NCAPG: variants seen among roughly 807,000 people sequenced by gnomAD.
NCAPG encodes the protein non-SMC condensin I complex subunit G.
Under a neutral mutation model 113.1 loss-of-function variants are expected in NCAPG, and 69 were observed. The observed-to-expected ratio is 0.61, with a 90% CI of 0.50 to 0.75. The LOEUF (loss-of-function observed/expected upper bound fraction) is 0.75. NCAPG is among the 30% of genes least tolerant of loss of function. NCAPG has a pLI of 0.00. For missense variants in NCAPG, 1,058 were observed against 1,177.0 expected, an observed-to-expected ratio of 0.90 and a Z score of 1.48; for synonymous variants, 370 against 415.8, an observed-to-expected ratio of 0.89 and a Z score of 1.34.
Position 17,837,652 on chromosome 4 carries a change from G to A in NCAPG, c.2317G>A (p.Ala773Thr). Residue 773 changes from alanine to threonine, a missense_variant, in exon 16 of 21, where the codon GCT becomes ACT. Coordinates refer to ENST00000251496, the MANE Select transcript of NCAPG (RefSeq NM_022346.5). Reference sequence around the variant, plus strand: ...GACTAATCAGGAATGCTTTGAAGAAGCTTTTCTTCCAACCCTGCAAACACT... The same window carrying A: ...GACTAATCAGGAATGCTTTGAAGAAACTTTTCTTCCAACCCTGCAAACACT... ...SRTNQECFEEAFLPTLQTLAN... is the reference protein window; with the variant it reads ...SRTNQECFEETFLPTLQTLAN... 6.2e-7 allele frequency: 1 copy of A among 1,613,604 alleles called. No individual in the cohort carries two copies. Among genetic ancestry groups the A allele is most frequent in the East Asian group, 2.2e-5 (1 of 44,872 alleles).
intron 13 of NCAPG, among the ~76,000 whole-genome samples, chr4:17,833,552 A>G (rs181568290): frequency 6.6e-6 from 1 of 151,206 alleles, no homozygotes; most frequent in East Asian, 1.9e-4. Flanking sequence ...AAATTTGGAT[A>G]GACATTTTTA....
intron 13 of NCAPG, 136 bp downstream of exon 13, chr4:17,831,252 T>A: frequency 1.0e-6 from 1 of 991,224 alleles, no homozygotes; most frequent in Non-Finnish European, 1.4e-6. Flanking sequence ...GACACAATAC[T>A]TTTATCTTTT....
chr4:17,825,046 A>C lies in NCAPG; in HGVS notation c.1462A>C (p.Lys488Gln). ...TAACGATCCAGCTGATGTAAGAAAG[A>C]AAGAACTCAAGGTAAGTCTCTTTTA... ...VNNDPADVRK[K>Q]ELKMAEIKVK... The change falls in exon 10 of 21, where the codon AAA becomes CAA. Residue 488 changes from lysine to glutamine, a missense_variant. Transcript: ENST00000251496. 2 of 1,611,874 alleles carry C rather than the reference A, an allele frequency of 1.2e-6. No homozygotes were observed. Among genetic ancestry groups the C allele is most frequent in the Non-Finnish European group, 1.7e-6 (2 of 1,178,694 alleles).
Position 17,831,027 on chromosome 4 carries a change from G to A in NCAPG, c.1795G>A (p.Val599Ile), listed in dbSNP as rs778523104. The stretch of plus-strand genomic sequence containing the variant: ...TCCTGGAATAATAAGTATTCATCCT[G>A]TTGTAAGAAACCTGGCTGTTTTATG... ...ILPGIISIHP[V>I]VRNLAVLCLG... The change falls in exon 13 of 21, where the codon GTT becomes ATT. Residue 599 changes from valine to isoleucine, a missense_variant. Coordinates refer to ENST00000251496, the MANE Select transcript of NCAPG (RefSeq NM_022346.5). 79 of 1,613,140 alleles carry A rather than the reference G, an allele frequency of 4.9e-5. No individual in the cohort carries two copies. The highest frequency in any genetic ancestry group is 6.3e-5 in the Non-Finnish European group (74 of 1,179,514).
intron 7 of NCAPG, among the ~76,000 whole-genome samples, chr4:17,819,911 T>C (rs1721381567): frequency 6.6e-6 from 1 of 152,168 alleles, no homozygotes; most frequent in African/African-American, 2.4e-5. Flanking sequence ...CTCAAGCCCA[T>C]GTTAACATCA....
chr4:17,813,318 G>C (rs1721072767), intron 3 of NCAPG, 173 bp downstream of exon 3: 2 of 479,256 alleles, frequency 4.2e-6, no homozygotes, highest in Non-Finnish European at 7.2e-6. Context: ...AAAAAAGTCA[G>C]TACTTGCATC....
intron 5 of NCAPG, among the ~76,000 whole-genome samples, chr4:17,816,041 G>A (rs1721192252): frequency 1.3e-5 from 2 of 151,334 alleles, no homozygotes; most frequent in South Asian, 4.2e-4. Flanking sequence ...AAATAGGAAT[G>A]GTCAGACCAG....
intron 7 of NCAPG, among the ~76,000 whole-genome samples, chr4:17,818,701 G>T (rs1403205410): frequency 6.6e-6 from 1 of 152,060 alleles, no homozygotes; most frequent in Non-Finnish European, 1.5e-5. Flanking sequence ...GATCTTTGTG[G>T]CCAGTTTTAT....
chr4:17,812,813 G>C, intron 2 of NCAPG, 104 bp from the exon 3 acceptor site: 1 of 932,748 alleles, frequency 1.1e-6, no homozygotes, highest in Non-Finnish European at 1.7e-6. Flanking sequence ...GAAATGAATT[G>C]TTGTTGTAAC....
intron 15 of NCAPG, 36 bp from the exon 16 acceptor site, chr4:17,837,591 G>A (rs1272131972): frequency 6.3e-7 from 1 of 1,578,944 alleles, no homozygotes; most frequent in African/African-American, 1.4e-5. Flanking sequence ...ATCAAATAAT[G>A]TTCTGCCAAC....
chr4:17,826,487 G>A (rs1483787290), intron 11 of NCAPG, among the ~76,000 whole-genome samples: 1 of 152,090 alleles, frequency 6.6e-6, no homozygotes, highest in African/African-American at 2.4e-5. Flanking sequence ...TTTATTTGAC[G>A]AAGTCTGTGG....
Position 17,811,008 on chromosome 4 carries a change from C to T in NCAPG, c.-70C>T. The T allele has an allele frequency of 1.1e-6, 1 of 931,592 alleles. No individual in the cohort carries two copies. The highest frequency in any genetic ancestry group is 1.6e-6 in the Non-Finnish European group (1 of 644,456). The allele number at this position is 931,592 out of a possible 1,614,324, so 57.7% of individuals were successfully genotyped here. The stretch of plus-strand genomic sequence containing the variant: ...TAGAAGACTACTCGGAGAGCGCTGC[C>T]TCTGGGTTGGCGGGCTGGCAGGCTG... On this transcript the variant is annotated 5_prime_UTR_variant, in exon 1 of 21. Transcript: ENST00000251496. This position sits in a 1 kb window ranked among gnomAD's most constrained non-coding sequence, Gnocchi z 5.3.
chr4:17,823,545 A>G (rs1721541587), intron 8 of NCAPG, 102 bp from the exon 9 acceptor site: 2 of 1,024,764 alleles, frequency 2.0e-6, no homozygotes, highest in Non-Finnish European at 2.9e-6. Flanking sequence ...ACCTAAGTGA[A>G]AGAACTGAGG....
rs1721999334 is a variant in NCAPG, at chr4:17,834,421, T to G, written c.2007T>G (p.Gly669=). ...AAATCAAAACACTTCATTGTGAAGG[T>G]ACAGAAATAAACAGTGATGATGAGC... ...TKKIKTLHCE[G]TEINSDDEQE... is the part of the protein sequence containing the mutation. Residue 669 remains glycine, a synonymous_variant, in exon 14 of 21, where the codon GGT becomes GGG. Coordinates refer to ENST00000251496, the MANE Select transcript of NCAPG (RefSeq NM_022346.5). 1.2e-6 allele frequency: 2 copies of G among 1,612,088 alleles called. No individual in the cohort carries two copies. Among genetic ancestry groups the G allele is most frequent in the South Asian group, 2.2e-5 (2 of 90,838 alleles).
intron 13 of NCAPG, among the ~76,000 whole-genome samples, chr4:17,832,128 AT>A (rs1020020257): frequency 6.6e-6 from 1 of 152,156 alleles, no homozygotes; most frequent in African/African-American, 2.4e-5. Context: ...CATGTAATAC[AT>A]TTTTTTAAAC....
At chr4:17,822,713 C>T (rs1440928561) in intron 7 of NCAPG, among the ~76,000 whole-genome samples, 2 of 152,104 alleles carry the variant, frequency 1.3e-5, no homozygotes, top group Non-Finnish European at 2.9e-5. Context: ...ATCAGTTAGA[C>T]ATAAATATGT....
chr4:17,843,419 A>AAGTT lies in NCAPG; in HGVS notation c.3045_3048dup, dbSNP rs769341221. 2.5e-5 allele frequency: 40 copies of AAGTT among 1,610,892 alleles called. No individual in the cohort carries two copies. The highest frequency in any genetic ancestry group is 1.8e-4 in the South Asian group (16 of 90,972). Reference sequence around the variant, plus strand: ...TTGCCCAATTTCTCAATGAAGATCTAAGTTAGGAAAGACGATGGAGGTGGA... The same window carrying AAGTT: ...TTGCCCAATTTCTCAATGAAGATCTAAGTTAGTTAGGAAAGACGATGGAGGTGGA... On this transcript the variant is annotated frameshift_variant, in exon 21 of 21. Transcript: ENST00000251496. LOFTEE classifies it high-confidence loss of function.
intron 14 of NCAPG, among the ~76,000 whole-genome samples, chr4:17,836,923 A>T (rs1466392775): frequency 6.6e-6 from 1 of 152,162 alleles, no homozygotes; most frequent in Admixed American, 6.5e-5. Context: ...GTTTTAAGAT[A>T]ATTGAATTTT....
At chr4:17,835,389 G>C (rs1364475486) in intron 14 of NCAPG, among the ~76,000 whole-genome samples, 1 of 151,860 alleles carries the variant, frequency 6.6e-6, no homozygotes, top group Admixed American at 6.6e-5. Flanking sequence ...ACAGGGTCTC[G>C]CTCTGTTGCC....
Sources: allele counts gnomAD v4.1 joint callset (sites outside exome capture counted in the v4.1 genomes callset), GRCh38; gene constraint gnomAD v4.1.1; non-coding constraint Gnocchi (gnomAD v3.1); transcripts MANE v1.5; gene names NCBI Gene and HGNC (gene_info 2026-07-23, HGNC 2026-07-21).